Variants in HS6ST3 observed in about 807,000 individuals in gnomAD.
HS6ST3 encodes heparan-sulfate 6-O-sulfotransferase 3.
A neutral mutation model predicts 36.7 loss-of-function variants in HS6ST3; 12 were observed. That is an observed-to-expected ratio of 0.33 (90% CI 0.21 to 0.53). The LOEUF is 0.53. Among genes scored for constraint, HS6ST3 ranks in the 20% least tolerant of loss-of-function variants. The probability of loss-of-function intolerance (pLI) is 0.95; values close to 1 mark genes in which losing one functional copy is unlikely to be tolerated. For missense variants in HS6ST3, 584 were observed against 640.9 expected (o/e 0.91, Z 0.96); for synonymous variants, 240 against 257.5 (o/e 0.93, Z 0.65).
At chr13:96,288,030 T>A (rs7998759) in intron 1 of HS6ST3, among the ~76,000 whole-genome samples, 84,161 of 151,900 alleles carry the variant, frequency 0.55, 24,130 homozygotes, top group African/African-American at 0.7. Flanking sequence ...AGACCAGAAG[T>A]CTCAACTTCA....
chr13:96,327,394 A>C (rs1010127344), intron 1 of HS6ST3, among the ~76,000 whole-genome samples: 1 of 152,144 alleles, frequency 6.6e-6, no homozygotes, highest in Non-Finnish European at 1.5e-5. Flanking sequence ...AGCTTTCTAC[A>C]TATGGCTAGC....
intron 1 of HS6ST3, among the ~76,000 whole-genome samples, chr13:96,699,389 C>T (rs1184114412): frequency 6.6e-6 from 1 of 152,174 alleles, no homozygotes; most frequent in East Asian, 1.9e-4. Context: ...ACAATGAACT[C>T]AAACAAATTT....
chr13:96,573,243 T>C (rs1022851462), intron 1 of HS6ST3, among the ~76,000 whole-genome samples: 2 of 152,238 alleles, frequency 1.3e-5, no homozygotes, highest in African/African-American at 4.8e-5. Flanking sequence ...CCCTGTCTAC[T>C]CTTAATGAAA....
chr13:96,770,888 T>A (rs1877246863), intron 1 of HS6ST3, among the ~76,000 whole-genome samples: 1 of 152,198 alleles, frequency 6.6e-6, no homozygotes, highest in Admixed American at 6.5e-5. Context: ...TGTAAGGTAG[T>A]TAGTCCATTG....
intron 1 of HS6ST3, among the ~76,000 whole-genome samples, chr13:96,526,607 G>A (rs1202971395): frequency 1.3e-5 from 2 of 152,128 alleles, no homozygotes; most frequent in Non-Finnish European, 2.9e-5. Context: ...AAGCTATGAC[G>A]GAATGTTCTG....
chr13:96,234,038 T>A (rs1445930290), intron 1 of HS6ST3, among the ~76,000 whole-genome samples: 1 of 152,000 alleles, frequency 6.6e-6, no homozygotes, highest in Non-Finnish European at 1.5e-5. Context: ...ATACCCACGT[T>A]CTGCAATGGA....
chr13:96,540,349 A>G (rs1425799473), intron 1 of HS6ST3, among the ~76,000 whole-genome samples: 1 of 152,258 alleles, frequency 6.6e-6, no homozygotes. Context: ...ACTCAGGTAT[A>G]AAACTTAATT....
chr13:96,153,056 A>G (rs2054094755), intron 1 of HS6ST3, among the ~76,000 whole-genome samples: 1 of 152,094 alleles, frequency 6.6e-6, no homozygotes, highest in African/African-American at 2.4e-5. Flanking sequence ...CAGAGCTTTT[A>G]CCAGTTCCTT....
chr13:96,393,024 C>T (rs1325145715), intron 1 of HS6ST3, among the ~76,000 whole-genome samples: 2 of 152,076 alleles, frequency 1.3e-5, no homozygotes, highest in African/African-American at 4.8e-5. Context: ...CAGTTTCTCC[C>T]ATACCGTTTC....
intron 1 of HS6ST3, among the ~76,000 whole-genome samples, chr13:96,712,456 G>A (rs1875584056): frequency 6.6e-6 from 1 of 152,154 alleles, no homozygotes; most frequent in Non-Finnish European, 1.5e-5. Flanking sequence ...TGAACACAGT[G>A]AGATCTGAGG....
rs1164138428 is a variant in HS6ST3 at position 96,379,170 on chromosome 13, C to T, written c.707+287601C>T. 4.6e-5 allele frequency among the ~76,000 whole-genome samples: 7 copies of T among 152,238 alleles called. No individual in the cohort carries two copies. In the East Asian group the frequency reaches 7.7e-4, roughly 17 times the overall value. ...TTTCACTTGGGATCATTCTGCACAT[C>T]GTCATAAATGATTTAACAAAAAAAA... On this transcript the variant is annotated intron_variant, in intron 1 of 1. Coordinates refer to ENST00000376705, the MANE Select transcript of HS6ST3 (RefSeq NM_153456.4).
At chr13:96,258,004 TTGTCATCAC>T (rs142258650) in intron 1 of HS6ST3, among the ~76,000 whole-genome samples, 7,849 of 152,324 alleles carry the variant, frequency 0.052, 280 homozygotes, top group East Asian at 0.15. Context: ...GTTGTTACTA[TTGTCATCAC>T]TGTCATCAAT....
At chr13:96,223,957 G>A (rs192177930) in intron 1 of HS6ST3, among the ~76,000 whole-genome samples, 162 of 151,030 alleles carry the variant, frequency 1.1e-3, no homozygotes, top group African/African-American at 3.8e-3. Flanking sequence ...CTCCCCTCCC[G>A]TCTCAATCTT....
chr13:96,296,776 C>T (rs1286713772), intron 1 of HS6ST3, among the ~76,000 whole-genome samples: 1 of 151,946 alleles, frequency 6.6e-6, no homozygotes, highest in African/African-American at 2.4e-5. Flanking sequence ...TCTTTTAAAC[C>T]TTTATAGTTT....
intron 1 of HS6ST3, among the ~76,000 whole-genome samples, chr13:96,688,233 T>A (rs1312794616): frequency 6.8e-6 from 1 of 146,346 alleles, no homozygotes; most frequent in Non-Finnish European, 1.5e-5. Flanking sequence ...ATAATCATCA[T>A]CATCATAATA....
intron 1 of HS6ST3, among the ~76,000 whole-genome samples, chr13:96,181,157 A>G (rs2054238021): frequency 6.6e-6 from 1 of 152,182 alleles, no homozygotes; most frequent in Non-Finnish European, 1.5e-5. Flanking sequence ...GTTACTCAAT[A>G]TAATCAAATT....
At chr13:96,793,184 A>G (rs537390322) in intron 1 of HS6ST3, among the ~76,000 whole-genome samples, 2 of 152,150 alleles carry the variant, frequency 1.3e-5, no homozygotes, top group South Asian at 4.1e-4. Flanking sequence ...AGTCCTGGTA[A>G]TGAGGTGCCC....
chr13:96,707,548 A>G (rs1267767436), intron 1 of HS6ST3, among the ~76,000 whole-genome samples: 1 of 152,184 alleles, frequency 6.6e-6, no homozygotes, highest in African/African-American at 2.4e-5. Context: ...TTTAAAGCCT[A>G]CCCATTTCAT....
At chr13:96,301,497 CTG>C (rs1566316671) in intron 1 of HS6ST3, among the ~76,000 whole-genome samples, 2 of 152,166 alleles carry the variant, frequency 1.3e-5, no homozygotes, top group Non-Finnish European at 2.9e-5. Flanking sequence ...GGTCCTGAGT[CTG>C]TCTCTCTCTA....
Sources: gnomAD v4.1 joint callset for allele counts (sites outside exome capture counted in the v4.1 genomes callset) on GRCh38, gnomAD v4.1.1 for gene constraint, MANE v1.5 for transcripts, NCBI Gene and HGNC (gene_info 2026-07-23, HGNC 2026-07-21) for gene names.